LRRC18: variants seen among roughly 807,000 people sequenced by gnomAD.
LRRC18 encodes the protein leucine-rich repeat-containing protein 18.
In LRRC18, 12 loss-of-function variants were observed where a neutral mutation model predicts 11.2. The observed-to-expected ratio is 1.07, with a 90% CI of 0.69 to 1.74. The LOEUF is 1.74. Ranked by LOEUF, LRRC18 falls within the 40% of genes most tolerant of loss-of-function variation. The pLI is 0.00. For missense variants in LRRC18, 374 were observed against 330.5 expected (o/e 1.13, Z -1.02); for synonymous variants, 155 against 130.6 (o/e 1.19, Z -1.27).
exon 1 of LRRC18, chr10:48,913,490 A>C (rs1838200862): frequency 6.2e-7 from 1 of 1,612,306 alleles, no homozygotes; most frequent in South Asian, 1.1e-5. Context: ...TCTTGATTCT[A>C]TTCAGGTTGT....
chr10:48,920,368 G>A, the LRRC18 span, among the ~76,000 whole-genome samples: 1 of 151,894 alleles, frequency 6.6e-6, no homozygotes, highest in African/African-American at 2.4e-5. Context: ...GCCTGTTGTG[G>A]GGTGGGGGGA....
At chr10:48,912,901 G>C (rs1228956581) in intron 1 of LRRC18, among the ~76,000 whole-genome samples, 1 of 152,226 alleles carries the variant, frequency 6.6e-6, no homozygotes, top group African/African-American at 2.4e-5. Flanking sequence ...CTGTGGTCCA[G>C]CTCTGTCCCC....
intron 1 of LRRC18, among the ~76,000 whole-genome samples, chr10:48,911,323 T>C (rs1274373326): frequency 6.6e-6 from 1 of 152,256 alleles, no homozygotes; most frequent in Admixed American, 6.5e-5. Flanking sequence ...ACTACGTTAC[T>C]GGTAGGCGTA....
chr10:48,915,455 A>C (rs1159182340), upstream of LRRC18, among the ~76,000 whole-genome samples: 1 of 151,930 alleles, frequency 6.6e-6, no homozygotes, highest in Admixed American at 6.6e-5. Flanking sequence ...ACCAGGCAGA[A>C]GTATGCCCTT....
chr10:48,919,921 AC>A, the LRRC18 span, among the ~76,000 whole-genome samples: 2 of 152,188 alleles, frequency 1.3e-5, no homozygotes, highest in Admixed American at 1.3e-4. Context: ...TGTCAGCATT[AC>A]CCTGATGCTA....
the LRRC18 span, among the ~76,000 whole-genome samples, chr10:48,936,596 C>T: frequency 1.6e-5 from 2 of 123,550 alleles, no homozygotes; most frequent in African/African-American, 2.5e-5. Flanking sequence ...CCAGCACTTT[C>T]GGAGGCCGAA....
chr10:48,913,552 C>T (rs780920136), exon 1 of LRRC18: 2 of 1,614,136 alleles, frequency 1.2e-6, no homozygotes, highest in Non-Finnish European at 1.7e-6. Context: ...TCCTTCTCCT[C>T]CACAACATAC....
At chr10:48,932,983 G>A in the LRRC18 span, among the ~76,000 whole-genome samples, 1 of 152,118 alleles carries the variant, frequency 6.6e-6, no homozygotes. Flanking sequence ...CATGGGTAGG[G>A]GACAACATAA....
the LRRC18 span, among the ~76,000 whole-genome samples, chr10:48,928,012 T>C: frequency 6.6e-6 from 1 of 152,236 alleles, no homozygotes; most frequent in Admixed American, 6.5e-5. Context: ...AAGGCAGACC[T>C]GGCCCCTTTG....
the LRRC18 span, chr10:48,935,353 G>A: frequency 1.3e-5 from 2 of 152,360 alleles, no homozygotes; most frequent in East Asian, 1.9e-4. Flanking sequence ...TGCCTGCCAC[G>A]AGGAGGGAAC....
chr10:48,914,702 C>T (rs144432772), upstream of LRRC18, among the ~76,000 whole-genome samples: 6 of 152,276 alleles, frequency 3.9e-5, no homozygotes, highest in East Asian at 1.2e-3. Flanking sequence ...GGTACTAAGA[C>T]CAACTTCTCA....
the LRRC18 span, among the ~76,000 whole-genome samples, chr10:48,932,237 G>A: frequency 6.6e-6 from 1 of 152,184 alleles, no homozygotes; most frequent in Non-Finnish European, 1.5e-5. Context: ...GGTGCTGGTG[G>A]GGAATGCTGG....
chr10:48,912,260 T>C (rs763685976), intron 1 of LRRC18, among the ~76,000 whole-genome samples: 1 of 152,238 alleles, frequency 6.6e-6, no homozygotes, highest in Non-Finnish European at 1.5e-5. Context: ...AACTAAGTTA[T>C]GGTTCTGGAA....
chr10:48,927,113 A>G, the LRRC18 span, among the ~76,000 whole-genome samples: 94,701 of 151,910 alleles, frequency 0.62, 30,007 homozygotes, highest in Non-Finnish European at 0.69. Context: ...GACTGCCTGA[A>G]GTTTGATTTT....
At chr10:48,929,091 G>T in the LRRC18 span, among the ~76,000 whole-genome samples, 2 of 152,154 alleles carry the variant, frequency 1.3e-5, no homozygotes, top group African/African-American at 2.4e-5. Context: ...GAGGCCAGGA[G>T]GGCCATCTTT....
At position 48,913,762 on chromosome 10, in the gene LRRC18, G is replaced by A. The variant is rs557089213; in HGVS notation, c.394C>T (p.His132Tyr). 164 of 1,614,076 alleles carry A rather than the reference G, an allele frequency of 1.0e-4. 2 individuals are homozygous for A. The South Asian group carries it at 1.7e-3, about 17-fold the overall frequency. ...AGTGTGGTGGGCACGCTGTCCAGGT[G>A]GTTCAAGCCTAGGTTCACAGCGCGG... The change falls in exon 1 of 2, where the codon CAC (histidine) becomes TAC (tyrosine). Residue 132 changes from histidine to tyrosine, a missense_variant. By Grantham distance (83) the His-to-Tyr change is moderately conservative (BLOSUM62 2). Coordinates refer to ENST00000374160, the Ensembl canonical transcript of LRRC18.
At chr10:48,915,978 A>T (rs901433901), upstream of LRRC18, among the ~76,000 whole-genome samples, 1 of 152,240 alleles carries the variant, frequency 6.6e-6, no homozygotes, top group Non-Finnish European at 1.5e-5. Context: ...AGGATAAAAC[A>T]GCTTAAAAAA....
At chr10:48,938,411 C>T in the LRRC18 span, among the ~76,000 whole-genome samples, 33 of 152,360 alleles carry the variant, frequency 2.2e-4, no homozygotes, top group South Asian at 6.2e-4. Context: ...ATGAGTCCCT[C>T]GGCTGAGAGC....
At chr10:48,939,199 C>T in the LRRC18 span, among the ~76,000 whole-genome samples, 2 of 152,254 alleles carry the variant, frequency 1.3e-5, no homozygotes, top group African/African-American at 4.8e-5. Context: ...GCAGGCCCCA[C>T]TCTGCCACTG....
Sources: gnomAD v4.1 joint callset for allele counts (sites outside exome capture counted in the v4.1 genomes callset) on GRCh38, gnomAD v4.1.1 for gene constraint, MANE v1.5 for transcripts, NCBI Gene and HGNC (gene_info 2026-07-23, HGNC 2026-07-21) for gene names.